The following EFNA5 variants were observed in gnomAD, a reference collection of about 807,000 sequenced individuals.
EFNA5 encodes the protein ephrin A5, also known as ephrin-A5.
In EFNA5, 5 loss-of-function variants were observed where a neutral mutation model predicts 22.9. The ratio of observed to expected loss-of-function variants is 0.22; its 90% confidence interval spans 0.11 to 0.46. EFNA5 has a LOEUF of 0.46. Among genes scored for constraint, EFNA5 ranks in the 20% least tolerant of loss-of-function variants. The pLI is 0.99. For missense variants in EFNA5, 237 were observed against 293.3 expected (o/e 0.81, Z 1.40); for synonymous variants, 113 against 112.2 (o/e 1.01, Z -0.04).
chr5:107,442,484 C>A (rs952101664), intron 1 of EFNA5, among the ~76,000 whole-genome samples: 1 of 152,094 alleles, frequency 6.6e-6, no homozygotes, highest in African/African-American at 2.4e-5. Context: ...CTCAACCCTG[C>A]CCTGTAAGAA....
chr5:107,583,435 G>A (rs1749109311), intron 1 of EFNA5, among the ~76,000 whole-genome samples: 1 of 152,194 alleles, frequency 6.6e-6, no homozygotes, highest in Non-Finnish European at 1.5e-5. Context: ...ACTATTTACT[G>A]AGCGTCGGCA....
At chr5:107,612,068 C>A (rs954350004) in intron 1 of EFNA5, among the ~76,000 whole-genome samples, 1 of 152,130 alleles carries the variant, frequency 6.6e-6, no homozygotes, top group African/African-American at 2.4e-5. Flanking sequence ...AATATATGTA[C>A]TTTCTTCAGA....
chr5:107,445,737 A>T (rs927029378), intron 1 of EFNA5, among the ~76,000 whole-genome samples: 1 of 152,298 alleles, frequency 6.6e-6, no homozygotes, highest in South Asian at 2.1e-4. Context: ...CGTCCTCTGA[A>T]CCACTTGGGA....
Position 107,634,797 on chromosome 5 carries a change from T to C in EFNA5, c.125+35692A>G, listed in dbSNP as rs1273815079. On this transcript the variant is annotated intron_variant, in intron 1 of 4. Coordinates refer to ENST00000333274, the MANE Select transcript of EFNA5 (RefSeq NM_001962.3). ...ATCTTCATGGAGATAATTTCCAAGG[T>C]ATAATGCAAGATTTCTAATGTTTAA... 4.4e-5 allele frequency among the ~76,000 whole-genome samples: 5 copies of C among 112,778 alleles called. No individual in the cohort carries two copies. The Admixed American group carries it at 5.2e-4, about 12-fold the overall frequency. 74.0% of individuals were successfully genotyped at this position (112,778 alleles called of 152,430 possible).
At chr5:107,610,015 G>T (rs769881885) in intron 1 of EFNA5, among the ~76,000 whole-genome samples, 6 of 151,854 alleles carry the variant, frequency 4.0e-5, no homozygotes, top group Non-Finnish European at 5.9e-5. Context: ...AGGGAAGGGG[G>T]AAAATTGCAG....
chr5:107,412,190 T>C (rs950475407), intron 2 of EFNA5, among the ~76,000 whole-genome samples: 1 of 152,224 alleles, frequency 6.6e-6, no homozygotes, highest in African/African-American at 2.4e-5. Context: ...CTGTTTCTGA[T>C]GGTAGAAAGA....
intron 1 of EFNA5, among the ~76,000 whole-genome samples, chr5:107,439,221 A>C (rs152603): frequency 6.6e-6 from 1 of 151,864 alleles, no homozygotes; most frequent in East Asian, 1.9e-4. Context: ...CAGAGAGCTC[A>C]TTCTCCTTCT....
At chr5:107,529,439 T>C (rs988018917) in intron 1 of EFNA5, among the ~76,000 whole-genome samples, 7 of 152,114 alleles carry the variant, frequency 4.6e-5, no homozygotes, top group African/African-American at 1.7e-4. Context: ...GCCTGCACAC[T>C]GTCCAAACTG....
chr5:107,555,342 G>A (rs894018026), intron 1 of EFNA5, among the ~76,000 whole-genome samples: 1 of 152,156 alleles, frequency 6.6e-6, no homozygotes, highest in Non-Finnish European at 1.5e-5. Flanking sequence ...TCCTGTTCGT[G>A]CAGCTACCCA....
intron 1 of EFNA5, among the ~76,000 whole-genome samples, chr5:107,599,142 T>C (rs1039328839): frequency 2.0e-5 from 3 of 152,238 alleles, no homozygotes; most frequent in Admixed American, 6.5e-5. Flanking sequence ...AGACACATAT[T>C]TGAAATGATG....
At chr5:107,565,756 A>G (rs1246021020) in intron 1 of EFNA5, among the ~76,000 whole-genome samples, 2 of 152,362 alleles carry the variant, frequency 1.3e-5, no homozygotes, top group South Asian at 4.1e-4. Flanking sequence ...AATTATTTTT[A>G]ACTTATATGG....
Position 107,380,581 on chromosome 5 carries a change from A to G in EFNA5, c.*674T>C. ...ATTCCACACCCAACCTGCCTCCTAG[A>G]AAAAAAAAAAAGGCTTCTTTTAGAG... On this transcript the variant is annotated 3_prime_UTR_variant, in exon 5 of 5. Transcript: ENST00000333274. 7.1e-6 allele frequency: 1 copy of G among 141,830 alleles called. No individual in the cohort carries two copies. The allele number at this position is 141,830 out of a possible 1,614,324, so 8.8% of individuals were successfully genotyped here.
intron 1 of EFNA5, among the ~76,000 whole-genome samples, chr5:107,477,209 T>A (rs1750336153): frequency 1.3e-5 from 2 of 152,132 alleles, no homozygotes. Context: ...CGGAGAAACA[T>A]AAGGAATAGG....
At chr5:107,499,454 CT>C (rs1257455118) in intron 1 of EFNA5, among the ~76,000 whole-genome samples, 4 of 152,222 alleles carry the variant, frequency 2.6e-5, no homozygotes, top group African/African-American at 9.6e-5. Flanking sequence ...GTAATTTTCC[CT>C]ACATGCACAT....
chr5:107,629,361 G>GCA (rs149151049), intron 1 of EFNA5, among the ~76,000 whole-genome samples: 5 of 151,522 alleles, frequency 3.3e-5, no homozygotes, highest in Non-Finnish European at 4.4e-5. Context: ...ATACAAACAG[G>GCA]CACACACACA....
At chr5:107,477,803 C>A (rs1750352371) in intron 1 of EFNA5, among the ~76,000 whole-genome samples, 1 of 152,092 alleles carries the variant, frequency 6.6e-6, no homozygotes, top group African/African-American at 2.4e-5. Flanking sequence ...TGTCTCCAGA[C>A]CTTTAACTAT....
chr5:107,670,509 G>A lies in EFNA5; in HGVS notation c.105C>T (p.Tyr35=), dbSNP rs1162256273. The change falls in exon 1 of 5, where the codon TAC becomes TAT. Residue 35 remains tyrosine, a synonymous_variant. Transcript: ENST00000333274. ...SKAVADRYAV[Y]WNSSNPRFQR... ...CTTACCTGGGGTTGCTGCTGTTCCA[G>A]TAGACAGCGTAGCGGTCGGCGACGG... The A allele has an allele frequency of 1.9e-6, 3 of 1,572,690 alleles. No homozygotes were observed. Among genetic ancestry groups the A allele is most frequent in the East Asian group, 2.4e-5 (1 of 42,056 alleles).
chr5:107,638,062 C>A (rs1352090720), intron 1 of EFNA5, among the ~76,000 whole-genome samples: 3 of 151,532 alleles, frequency 2.0e-5, no homozygotes, highest in Non-Finnish European at 4.4e-5. Context: ...ACCATGTTAG[C>A]CAGGATGGTC....
chr5:107,381,285 C>T lies in EFNA5; in HGVS notation c.657G>A (p.Leu219=), dbSNP rs1390960965. The change falls in exon 5 of 5, where the codon CTG becomes CTA. Residue 219 remains leucine (L), a synonymous_variant. Coordinates refer to ENST00000333274, the MANE Select transcript of EFNA5 (RefSeq NM_001962.3). ...RIPSRLLAIL[L]FLLAMLLTL ...ATGTCAAAAGCATCGCCAGGAGGAA[C>T]AGTAGGATTGCCAAAAGGCGGCTGG... 6.2e-7 allele frequency: 1 copy of T among 1,613,870 alleles called. No homozygotes were observed. The highest frequency in any genetic ancestry group is 1.7e-5 in the Admixed American group (1 of 60,002).
Sources: allele counts gnomAD v4.1 joint callset (sites outside exome capture counted in the v4.1 genomes callset), GRCh38; gene constraint gnomAD v4.1.1; transcripts MANE v1.5; gene names NCBI Gene and HGNC (gene_info 2026-07-23, HGNC 2026-07-21).